Variants in CREB3L1 observed in about 807,000 individuals in gnomAD.
The protein encoded by CREB3L1 is cAMP responsive element binding protein 3 like 1, also known as cyclic AMP-responsive element-binding protein 3-like protein 1.
CREB3L1 carries 33 observed loss-of-function variants against 54.5 expected under a neutral mutation model. The observed-to-expected ratio is 0.61, with a 90% CI of 0.46 to 0.81. The LOEUF (loss-of-function observed/expected upper bound fraction) is 0.81, where lower values mean the gene tolerates loss of function less well. Among genes scored for constraint, CREB3L1 ranks in the 30% least tolerant of loss-of-function variants. CREB3L1 has a pLI of 0.00. For synonymous variants in CREB3L1, 284 were observed against 286.4 expected (o/e 0.99, Z 0.08); for missense variants, 656 against 673.3 (o/e 0.97, Z 0.29).
rs1255569511 is a variant in CREB3L1, at chr11:46,299,979, C to T, written c.147C>T (p.Asp49=). Residue 49 remains aspartate, a synonymous_variant, in exon 2 of 12, where the codon GAC becomes GAT. Transcript: ENST00000621158. ...HLDHFTENME[D]FSNDLFSSFF... ...ACCACTTTACGGAGAACATGGAGGA[C>T]TTCTCCAATGACCTGTTCAGCAGCT... 1 of 1,613,964 alleles carries T rather than the reference C, an allele frequency of 6.2e-7. No homozygotes were observed. The highest frequency in any genetic ancestry group is 1.7e-5 in the Admixed American group (1 of 60,016).
intron 1 of CREB3L1, among the ~76,000 whole-genome samples, chr11:46,280,584 T>A (rs1248088314): frequency 6.6e-6 from 1 of 152,114 alleles, no homozygotes; most frequent in African/African-American, 2.4e-5. Flanking sequence ...CGAGAGAAAA[T>A]TAAAGTGAAG....
rs142451136 is a variant in CREB3L1, at chr11:46,294,621, T to C, written c.103-5314T>C. On this transcript the variant is annotated intron_variant, in intron 1 of 11. Transcript: ENST00000621158. ...GCTTTAGCTCTGGGAAGGCAAGGCCTGGGCCTCGTAGGAACCCCAGCTACT... is the reference window on the plus strand; with the variant it reads ...GCTTTAGCTCTGGGAAGGCAAGGCCCGGGCCTCGTAGGAACCCCAGCTACT... 7.4e-3 allele frequency among the ~76,000 whole-genome samples: 1,120 copies of C among 152,150 alleles called. 14 individuals are homozygous for C. The highest frequency in any genetic ancestry group is 0.025 in the African/African-American group (1,042 of 41,484).
rs115408736 is a variant in CREB3L1 at position 46,279,334 on chromosome 11, G to A, written c.102+1121G>A. The stretch of plus-strand genomic sequence containing the variant: ...AACTGTCCCAGGCCACTAGATTGAT[G>A]GTGAGGAACCAGGCCAAGGGACAGG... On this transcript the variant is annotated intron_variant, in intron 1 of 11. Coordinates refer to ENST00000621158, the MANE Select transcript of CREB3L1 (RefSeq NM_052854.4). 6.6e-3 allele frequency among the ~76,000 whole-genome samples: 1,008 copies of A among 152,196 alleles called. 7 individuals carry two copies. The highest frequency in any genetic ancestry group is 0.024 in the African/African-American group (981 of 41,506).
At chr11:46,282,751 C>T (rs1938998395) in intron 1 of CREB3L1, among the ~76,000 whole-genome samples, 1 of 152,156 alleles carries the variant, frequency 6.6e-6, no homozygotes, top group African/African-American at 2.4e-5. Flanking sequence ...TGTCTATTTC[C>T]TCCACGAGAA....
rs1939644964 is a variant in CREB3L1 at position 46,320,994 on chromosome 11, C to T, written c.*248C>T. On this transcript the variant is annotated 3_prime_UTR_variant, in exon 12 of 12. Transcript: ENST00000621158. ...TCAGACAAACCACTCACTGGGTACC[C>T]CACCTCCTCTCTCATATGCCCAACA... 4.7e-6 allele frequency: 3 copies of T among 644,862 alleles called. No homozygotes were observed. The Admixed American group carries it at 6.4e-5, about 14-fold the overall frequency. The allele number at this position is 644,862 out of a possible 1,614,324, so 39.9% of individuals were successfully genotyped here.
intron 10 of CREB3L1, among the ~76,000 whole-genome samples, chr11:46,318,309 G>C (rs1440453609): frequency 6.6e-6 from 1 of 152,188 alleles, no homozygotes; most frequent in Non-Finnish European, 1.5e-5. Flanking sequence ...ACAGAAGAAG[G>C]GTAGCGGTGG....
chr11:46,312,243 G>T (rs1939496880), intron 5 of CREB3L1, 82 bp from the exon 6 acceptor site: 4 of 1,240,680 alleles, frequency 3.2e-6, no homozygotes, highest in East Asian at 5.1e-5. Flanking sequence ...CCTTGCCCAG[G>T]TCATATAGAT....
intron 1 of CREB3L1, among the ~76,000 whole-genome samples, chr11:46,297,981 C>A (rs1424822304): frequency 6.6e-6 from 1 of 152,152 alleles, no homozygotes; most frequent in Non-Finnish European, 1.5e-5. Context: ...ACTAATCTAA[C>A]AAAATTTTAG....
At chr11:46,283,741 G>A (rs935540814) in intron 1 of CREB3L1, among the ~76,000 whole-genome samples, 3 of 152,044 alleles carry the variant, frequency 2.0e-5, no homozygotes, top group Non-Finnish European at 4.4e-5. Context: ...AAATTATCCA[G>A]GCATGGTGGC....
rs191150999 is a variant in CREB3L1, at chr11:46,321,325, G to T, written c.*579G>T. ...GCACCCCCCTGCTGCTGCCCAAGCCGCTGGGCCTTTTTAATTGCCAAACTG... is the reference window on the plus strand; with the variant it reads ...GCACCCCCCTGCTGCTGCCCAAGCCTCTGGGCCTTTTTAATTGCCAAACTG... On this transcript the variant is annotated 3_prime_UTR_variant, in exon 12 of 12. Coordinates refer to ENST00000621158, the MANE Select transcript of CREB3L1 (RefSeq NM_052854.4). 2.5e-5 allele frequency: 6 copies of T among 240,384 alleles called. No individual in the cohort carries two copies. Among genetic ancestry groups the T allele is most frequent in the African/African-American group, 1.1e-4 (5 of 45,124 alleles). The allele number at this position is 240,384 out of a possible 1,614,324, so 14.9% of individuals were successfully genotyped here. A position where few individuals can be genotyped will look rare whatever the true frequency, so the allele number is the denominator to read the frequency against.
Position 46,288,804 on chromosome 11 carries a change from G to A in CREB3L1, c.102+10591G>A, listed in dbSNP as rs142821661. On this transcript the variant is annotated intron_variant, in intron 1 of 11. Transcript: ENST00000621158. ...AGTGTTGTTGTGGGTGCTTAAGAGC[G>A]TGGGTTCTGCAATCAGAGCTTGGGT... Among the ~76,000 whole-genome samples the A allele has an allele frequency of 2.4e-3, 370 of 152,314 alleles. 1 individual carries two copies. Among genetic ancestry groups the A allele is most frequent in the African/African-American group, 8.3e-3 (344 of 41,576 alleles).
chr11:46,284,877 TC>T (rs939618328), intron 1 of CREB3L1, among the ~76,000 whole-genome samples: 26 of 152,068 alleles, frequency 1.7e-4, no homozygotes, highest in Non-Finnish European at 3.5e-4. Flanking sequence ...TATCACAGGG[TC>T]CCTGTCTTCA....
At chr11:46,290,966 C>A (rs1939121540) in intron 1 of CREB3L1, among the ~76,000 whole-genome samples, 1 of 152,194 alleles carries the variant, frequency 6.6e-6, no homozygotes, top group South Asian at 2.1e-4. Context: ...CTGGGGGCCA[C>A]TTGGGGCTGA....
chr11:46,308,856 A>G (rs1310825010), intron 3 of CREB3L1, among the ~76,000 whole-genome samples: 2 of 152,210 alleles, frequency 1.3e-5, no homozygotes, highest in Non-Finnish European at 2.9e-5. Flanking sequence ...TTTTGAGACC[A>G]TCTCCAAGAC....
chr11:46,280,810 T>C (rs775217808), intron 1 of CREB3L1, among the ~76,000 whole-genome samples: 3 of 152,136 alleles, frequency 2.0e-5, no homozygotes, highest in African/African-American at 4.8e-5. Flanking sequence ...TGCATGAGGA[T>C]AGGAAAATGT....
At chr11:46,285,343 A>C (rs1217307191) in intron 1 of CREB3L1, among the ~76,000 whole-genome samples, 2 of 152,088 alleles carry the variant, frequency 1.3e-5, no homozygotes, top group Non-Finnish European at 2.9e-5. Flanking sequence ...GGGTGGAGTT[A>C]AGTCAAGACT....
chr11:46,285,789 C>G (rs1338289448), intron 1 of CREB3L1, among the ~76,000 whole-genome samples: 2 of 152,218 alleles, frequency 1.3e-5, no homozygotes, highest in African/African-American at 4.8e-5. Flanking sequence ...TCCGACATAA[C>G]AGCTGGACAG....
rs1402796053 is a variant in CREB3L1 at position 46,278,453 on chromosome 11, G to T, written c.102+240G>T. 6.6e-6 allele frequency among the ~76,000 whole-genome samples: 1 copy of T among 152,220 alleles called. No individual in the cohort carries two copies. Among genetic ancestry groups the T allele is most frequent in the Non-Finnish European group, 1.5e-5 (1 of 68,042 alleles). On this transcript the variant is annotated intron_variant, in intron 1 of 11. Coordinates refer to ENST00000621158, the MANE Select transcript of CREB3L1 (RefSeq NM_052854.4). The surrounding 1 kb of genome is among the most constrained non-coding windows in gnomAD (Gnocchi z 4.2). ...GGCCATCGAGGTATCGGGTCCGTCC[G>T]ATCCTCGGATCTGAGCTCAAGAGAC...
Position 46,321,099 on chromosome 11 carries a change from A to C in CREB3L1, c.*353A>C. On this transcript the variant is annotated 3_prime_UTR_variant, in exon 12 of 12. Coordinates refer to ENST00000621158, the MANE Select transcript of CREB3L1 (RefSeq NM_052854.4). ...CCCACTCACAGACACCCCTTACCCCACCCCCACTGTACAGAGACCAAGAAC... is the reference window on the plus strand; with the variant it reads ...CCCACTCACAGACACCCCTTACCCCCCCCCCACTGTACAGAGACCAAGAAC... 3.9e-6 allele frequency: 2 copies of C among 516,134 alleles called. No individual in the cohort carries two copies. The highest frequency in any genetic ancestry group is 2.1e-5 in the South Asian group (1 of 47,220). The allele number at this position is 516,134 out of a possible 1,614,324, so 32.0% of individuals were successfully genotyped here.
Sources: gnomAD v4.1 joint callset for allele counts (sites outside exome capture counted in the v4.1 genomes callset) on GRCh38, gnomAD v4.1.1 for gene constraint, Gnocchi (gnomAD v3.1) non-coding constraint, MANE v1.5 for transcripts, NCBI Gene and HGNC (gene_info 2026-07-23, HGNC 2026-07-21) for gene names.